Variants in MLH3 observed in about 807,000 individuals in gnomAD.
The protein encoded by MLH3 is mutL homolog 3.
Under a neutral mutation model 122.2 loss-of-function variants are expected in MLH3, and 82 were observed. That is an observed-to-expected ratio of 0.67 (90% CI 0.56 to 0.81). The LOEUF (loss-of-function observed/expected upper bound fraction) is 0.81. Ranked by LOEUF, MLH3 falls within the 30% of genes least tolerant of loss-of-function variation. The probability of loss-of-function intolerance (pLI) is 0.00; values close to 1 mark genes in which losing one functional copy is unlikely to be tolerated. For missense variants in MLH3, 1,539 were observed against 1,714.5 expected, an observed-to-expected ratio of 0.90 and a Z score of 1.81; for synonymous variants, 524 against 599.5, an observed-to-expected ratio of 0.87 and a Z score of 1.84.
chr14:75,033,533 C>G, intron 6 of MLH3, 43 bp from the exon 7 acceptor site: 1 of 1,472,480 alleles, frequency 6.8e-7, no homozygotes, highest in South Asian at 1.1e-5. Context: ...CAGAGCAAGA[C>G]GACAACCATC....
chr14:75,040,471 A>AAAAAAAAAAAAAAAAAAAAAAAAAAAAC (rs1891770133), intron 4 of MLH3, among the ~76,000 whole-genome samples: 1 of 149,328 alleles, frequency 6.7e-6, no homozygotes. Context: ...AAAAAAAAAA[A>AAAAAAAAAAAAAAAAAAAAAAAAAAAAC]AAAAAAAAAA....
chr14:75,040,587 A>G (rs1360233579), intron 4 of MLH3, among the ~76,000 whole-genome samples: 1 of 151,804 alleles, frequency 6.6e-6, no homozygotes, highest in African/African-American at 2.4e-5. Context: ...CAATTTGTCT[A>G]TGTTCCATGA....
At chr14:75,023,181 TTGAATA>T (rs1890404047) in intron 9 of MLH3, among the ~76,000 whole-genome samples, 163 bp from the exon 10 acceptor site, 1 of 152,176 alleles carries the variant, frequency 6.6e-6, no homozygotes, top group African/African-American at 2.4e-5. Context: ...GTAAGGCACT[TTGAATA>T]TGAAAAAACC....
chr14:75,047,896 G>T lies in MLH3; in HGVS notation c.1760C>A (p.Ser587Tyr), dbSNP rs764432021. ...AQTEKEKKKE[S>Y]SNCGRRNVFS... The stretch of plus-strand genomic sequence containing the variant: ...AACATTTCTTCTTCCACAATTGCTA[G>T]ATTCTTTTTTTTTCTCTTTCTCTGT... The change falls in exon 2 of 13, where the codon TCT becomes TAT. Residue 587 changes from serine (S) to tyrosine (Y), a missense_variant. Ser to Tyr is a moderately radical substitution (Grantham distance 144). Transcript: ENST00000355774. 6.2e-7 allele frequency: 1 copy of T among 1,613,208 alleles called. No individual in the cohort carries two copies. The highest frequency in any genetic ancestry group is 1.7e-5 in the Admixed American group (1 of 59,850).
rs1889814894 is a variant in MLH3, at chr14:75,014,916, G to GC, written c.*2165_*2166insG. ...TTACAGCTAAGCCTTCAGCAAACCA[G>GC]TTAACAGCTCCGAGCTTCGAAGTTT... On this transcript the variant is annotated 3_prime_UTR_variant, in exon 13 of 13. Coordinates refer to ENST00000355774, the MANE Select transcript of MLH3 (RefSeq NM_001040108.2). 5 of 179,998 alleles carry GC rather than the reference G, an allele frequency of 2.8e-5. No individual in the cohort carries two copies. Among genetic ancestry groups the GC allele is most frequent in the African/African-American group, 1.2e-4 (5 of 42,376 alleles). 11.2% of individuals were successfully genotyped at this position (179,998 alleles called of 1,614,324 possible).
Position 75,038,307 on chromosome 14 carries a change from T to C in MLH3, c.3643+33A>G, listed in dbSNP as rs1287057450. 3.5e-5 allele frequency: 52 copies of C among 1,468,074 alleles called. No individual in the cohort carries two copies. Among genetic ancestry groups the C allele is most frequent in the Non-Finnish European group, 4.5e-5 (47 of 1,047,058 alleles). The allele number at this position is 1,468,074 out of a possible 1,614,324, so 90.9% of individuals were successfully genotyped here. On this transcript the variant is annotated intron_variant, in intron 6 of 12. Transcript: ENST00000355774. ...AAAAAAAGGTTACAAGAAGACCAGC[T>C]GGTTAATCATTCAGGCTAAACTCCA...
intron 2 of MLH3, among the ~76,000 whole-genome samples, chr14:75,043,149 G>A (rs1439442490): frequency 6.6e-6 from 1 of 152,096 alleles, no homozygotes; most frequent in Non-Finnish European, 1.5e-5. Context: ...TAAAGGCCAC[G>A]GATGCTGCTA....
chr14:75,036,778 A>T (rs1224373173), intron 6 of MLH3: 2 of 456,040 alleles, frequency 4.4e-6, no homozygotes, highest in African/African-American at 4.0e-5. Flanking sequence ...CATCTTTTAC[A>T]TACTTTCCCC....
At chr14:75,019,040 C>T (rs746991555) in intron 11 of MLH3, 60 bp from the exon 12 acceptor site, 57 of 1,445,134 alleles carry the variant, frequency 3.9e-5, no homozygotes, top group Middle Eastern at 1.7e-4. Context: ...CAATGCTGAC[C>T]TTGGGTCACT....
At chr14:75,038,484 C>T (rs1891579006) in intron 5 of MLH3, 72 bp from the exon 6 acceptor site, 6 of 987,210 alleles carry the variant, frequency 6.1e-6, no homozygotes, top group Non-Finnish European at 9.8e-6. Context: ...TAGAAAGATA[C>T]AGAACTGTAT....
chr14:75,034,718 A>T (rs1367907324), intron 6 of MLH3, among the ~76,000 whole-genome samples: 1 of 152,044 alleles, frequency 6.6e-6, no homozygotes, highest in Non-Finnish European at 1.5e-5. Flanking sequence ...ATCCTGCCTT[A>T]GACTTGGGCT....
Position 75,042,402 on chromosome 14 carries a change from G to A in MLH3, c.3356C>T (p.Thr1119Ile), listed in dbSNP as rs140127407. Residue 1119 changes from threonine to isoleucine, a missense_variant, in exon 3 of 13, where the codon ACT becomes ATT. Coordinates refer to ENST00000355774, the MANE Select transcript of MLH3 (RefSeq NM_001040108.2). Reference protein sequence around the residue: ...PFLPRARAERTVMRQDNRDTV... With the variant: ...PFLPRARAERIVMRQDNRDTV... ...ACCTCTGTTATCCTGTCTCATCACAGTCCTCTCTGCTCGAGCTCTCGGAAG... is the reference window on the plus strand; with the variant it reads ...ACCTCTGTTATCCTGTCTCATCACAATCCTCTCTGCTCGAGCTCTCGGAAG... 5.6e-6 allele frequency: 9 copies of A among 1,613,980 alleles called. No individual in the cohort carries two copies. The African/African-American group carries it at 1.2e-4, about 22-fold the overall frequency.
chr14:75,033,534 G>A (rs746342328), intron 6 of MLH3, 44 bp from the exon 7 acceptor site: 24 of 1,469,284 alleles, frequency 1.6e-5, no homozygotes, highest in South Asian at 5.7e-5. Flanking sequence ...AGAGCAAGAC[G>A]ACAACCATCA....
At chr14:75,041,534 G>A (rs2139489735) in intron 4 of MLH3, 81 bp downstream of exon 4, 1 of 1,135,202 alleles carries the variant, frequency 8.8e-7, no homozygotes, top group Non-Finnish European at 1.3e-6. Flanking sequence ...GGCAACAGGA[G>A]CAAAACTCCA....
Position 75,030,588 on chromosome 14 carries a change from A to T in MLH3, c.3942T>A (p.Asn1314Lys), listed in dbSNP as rs1237433415. The T allele has an allele frequency of 1.2e-6, 2 of 1,614,132 alleles. No individual in the cohort carries two copies. Among genetic ancestry groups the T allele is most frequent in the East Asian group, 2.2e-5 (1 of 44,876 alleles). ...CAGTAGATCTTCCTCTCCGAAGTTC[A>T]TTGGCTTCTCTTTCCACAAAACATA... ...VPLCFVEREANELRRGRSTVT... is the reference protein window; with the variant it reads ...VPLCFVEREAKELRRGRSTVT... Residue 1314 changes from asparagine to lysine, a missense_variant, in exon 9 of 13, where the codon AAT (asparagine) becomes AAA (lysine). Asn to Lys is a moderately conservative substitution (Grantham distance 94). Coordinates refer to ENST00000355774, the MANE Select transcript of MLH3 (RefSeq NM_001040108.2).
chr14:75,040,449 C>CAAAAAAAAAAAAAAAAAAAAAAA, intron 4 of MLH3, among the ~76,000 whole-genome samples: 1 of 35,594 alleles, frequency 2.8e-5, no homozygotes, highest in Non-Finnish European at 5.0e-5. Flanking sequence ...GACTCTGTCA[C>CAAAAAAAAAAAAAAAAAAAAAAA]AAAAAAAAAA....
Position 75,015,362 on chromosome 14 carries a change from A to C in MLH3, c.*1720T>G, listed in dbSNP as rs1219365370. 5.7e-6 allele frequency: 1 copy of C among 176,274 alleles called. No individual in the cohort carries two copies. 10.9% of individuals were successfully genotyped at this position (176,274 alleles called of 1,614,324 possible). ...CTTTTTCTAATCCTCTGCTACTCTC[A>C]AGAAAACAGTAGTTGGGATTACATA... On this transcript the variant is annotated 3_prime_UTR_variant, in exon 13 of 13. Transcript: ENST00000355774.
chr14:75,037,460 T>C (rs1891497629), intron 6 of MLH3, among the ~76,000 whole-genome samples: 2 of 152,180 alleles, frequency 1.3e-5, no homozygotes. Flanking sequence ...GTCCCTGGCA[T>C]ACAATGGGCA....
At chr14:75,019,110 G>C in intron 11 of MLH3, 130 bp from the exon 12 acceptor site, 3 of 871,494 alleles carry the variant, frequency 3.4e-6, no homozygotes, top group Non-Finnish European at 3.6e-6. Context: ...CTTTAATCCT[G>C]CTTGAAATTG....
Sources: gnomAD v4.1 joint callset for allele counts (sites outside exome capture counted in the v4.1 genomes callset) on GRCh38, gnomAD v4.1.1 for gene constraint, MANE v1.5 for transcripts, NCBI Gene and HGNC (gene_info 2026-07-23, HGNC 2026-07-21) for gene names.